OASL: variants seen among roughly 807,000 people sequenced by gnomAD.
The protein encoded by OASL is 2'-5'-oligoadenylate synthetase like.
OASL carries 28 observed loss-of-function variants against 35.3 expected under a neutral mutation model. That is an observed-to-expected ratio of 0.79 (90% confidence interval 0.59 to 1.09). The LOEUF is 1.09. OASL is among the 50% of genes least tolerant of loss of function. The pLI, the probability that OASL is intolerant of heterozygous loss-of-function variation, is 0.00. For synonymous variants in OASL, 252 were observed against 254.6 expected, an observed-to-expected ratio of 0.99 and a Z score of 0.10; for missense variants, 620 against 635.2, an observed-to-expected ratio of 0.98 and a Z score of 0.26.
intron 5 of OASL, among the ~76,000 whole-genome samples, chr12:121,022,585 C>G (rs1041556056): frequency 6.6e-6 from 1 of 152,206 alleles, no homozygotes; most frequent in African/African-American, 2.4e-5. Flanking sequence ...GGTGGGCCTC[C>G]TCATTTGGCC....
At chr12:121,020,963 C>T in exon 6 of OASL, 1 of 1,614,154 alleles carries the variant, frequency 6.2e-7, no homozygotes, top group Non-Finnish European at 8.5e-7. Flanking sequence ...TCCGGATTTT[C>T]TCTTTAACCT....
chr12:121,036,118 C>T (rs1592940478), intron 1 of OASL, among the ~76,000 whole-genome samples: 1 of 152,200 alleles, frequency 6.6e-6, no homozygotes, highest in Non-Finnish European at 1.5e-5. Context: ...CCACCTTGGC[C>T]TCCCAAAGTG....
rs753244832 is a variant in OASL, at chr12:121,027,565, TG to T, written c.899+10del. On this transcript the variant is annotated intron_variant, in intron 4 of 5. Coordinates refer to ENST00000257570, the Ensembl canonical transcript of OASL. ...TCTGTAAGATTTGGTGGGCAAACAG[TG>T]GTCCAGTACCTCTCTTTTTTGAGCT... is the stretch of plus-strand genomic sequence containing the variant. 5 of 1,612,524 alleles carry T rather than the reference TG, an allele frequency of 3.1e-6. No homozygotes were observed. Among genetic ancestry groups the T allele is most frequent in the Non-Finnish European group, 4.2e-6 (5 of 1,178,832 alleles).
chr12:121,029,852 T>C (rs1418707114), intron 3 of OASL, among the ~76,000 whole-genome samples: 1 of 152,182 alleles, frequency 6.6e-6, no homozygotes, highest in African/African-American at 2.4e-5. Flanking sequence ...AAATGTTACA[T>C]TCTTAAAACT....
chr12:121,032,921 G>T (rs561715872), intron 2 of OASL, among the ~76,000 whole-genome samples: 1 of 151,344 alleles, frequency 6.6e-6, no homozygotes, highest in Non-Finnish European at 1.5e-5. Flanking sequence ...TTTTTTGTTT[G>T]TTTTTTTGTT....
chr12:121,037,782 AAC>A (rs1491284596), intron 1 of OASL, among the ~76,000 whole-genome samples: 1 of 148,362 alleles, frequency 6.7e-6, no homozygotes, highest in African/African-American at 2.5e-5. Flanking sequence ...AAAAAAAAAA[AAC>A]AAAAACAAAA....
At chr12:121,024,066 T>C (rs199717878) in exon 5 of OASL, 41 of 1,614,056 alleles carry the variant, frequency 2.5e-5, no homozygotes, top group African/African-American at 6.7e-5. Context: ...GGAGGCCCTC[T>C]GAGCAACGAT....
chr12:121,023,295 C>T (rs2259835), intron 5 of OASL, among the ~76,000 whole-genome samples: 90,026 of 134,892 alleles, frequency 0.67, 30,011 homozygotes, highest in Middle Eastern at 0.86. Context: ...TTCTTTTTTT[C>T]TTTTTTTTTT....
chr12:121,033,336 G>A, intron 2 of OASL, 125 bp downstream of exon 2: 1 of 955,648 alleles, frequency 1.0e-6, no homozygotes, highest in East Asian at 2.5e-5. Context: ...CCAGCCCCAA[G>A]CATAGGACAC....
exon 6 of OASL, chr12:121,019,517 G>T (rs1199612591): frequency 6.6e-6 from 1 of 152,130 alleles, no homozygotes; most frequent in Non-Finnish European, 1.5e-5. Context: ...GGTTTTAGGA[G>T]TTGAGGTGAT....
chr12:121,038,827 A>T (rs1417050139), exon 1 of OASL: 1 of 1,614,038 alleles, frequency 6.2e-7, no homozygotes, highest in Non-Finnish European at 8.5e-7. Flanking sequence ...TTCCCCTGGA[A>T]ATGCTCCTGC....
At chr12:121,023,438 G>T (rs1400764313) in intron 5 of OASL, among the ~76,000 whole-genome samples, 1 of 151,900 alleles carries the variant, frequency 6.6e-6, no homozygotes, top group Admixed American at 6.6e-5. Context: ...ATAGGCACCT[G>T]CCACCACGCC....
At chr12:121,024,115 C>G in exon 5 of OASL, 2 of 1,614,018 alleles carry the variant, frequency 1.2e-6, no homozygotes, top group South Asian at 2.2e-5. Flanking sequence ...AGGGTGGGGT[C>G]GGCCGGATCC....
At chr12:121,027,463 T>C in intron 4 of OASL, 113 bp downstream of exon 4, 2 of 1,480,956 alleles carry the variant, frequency 1.4e-6, no homozygotes, top group Non-Finnish European at 1.8e-6. Context: ...TGCTCAACTA[T>C]GGTGGCAGCC....
At chr12:121,035,533 A>AAAACAAAACC (rs35393590) in intron 1 of OASL, among the ~76,000 whole-genome samples, 55,199 of 148,314 alleles carry the variant, frequency 0.37, 10,860 homozygotes, top group Middle Eastern at 0.55. Flanking sequence ...TAAACAAAAC[A>AAAACAAAACC]AAACAACAAA....
intron 1 of OASL, among the ~76,000 whole-genome samples, chr12:121,037,865 G>T (rs1870017166): frequency 6.6e-6 from 1 of 152,018 alleles, no homozygotes; most frequent in Non-Finnish European, 1.5e-5. Context: ...GCCAAGGTGG[G>T]CATATTCTTG....
intron 5 of OASL, among the ~76,000 whole-genome samples, chr12:121,022,147 C>T (rs777935926): frequency 2.6e-4 from 36 of 140,254 alleles, no homozygotes; most frequent in Non-Finnish European, 3.9e-4. Flanking sequence ...AGTGCAGTGG[C>T]ACGATCTTGG....
chr12:121,027,633 T>C lies in OASL; in HGVS notation c.842A>G (p.Tyr281Cys), dbSNP rs771610377. The stretch of plus-strand genomic sequence containing the variant: ...CTCAATGATTGCATTGTGGAGTGTG[T>C]AGTACTTGGTCCAGTAGATACAGAT... The change falls in exon 4 of 6, where the codon TAC (tyrosine) becomes TGC (cysteine). Residue 281 changes from tyrosine to cysteine, a missense_variant. Coordinates refer to ENST00000257570, the Ensembl canonical transcript of OASL. 4 of 1,614,172 alleles carry C rather than the reference T, an allele frequency of 2.5e-6. No individual in the cohort carries two copies. In the Admixed American group the frequency reaches 5.0e-5, roughly 20 times the overall value.
chr12:121,027,462 A>G (rs1431991567), intron 4 of OASL, 114 bp downstream of exon 4: 2 of 1,479,446 alleles, frequency 1.4e-6, no homozygotes, highest in Admixed American at 1.9e-5. Flanking sequence ...ATGCTCAACT[A>G]TGGTGGCAGC....
Sources: gnomAD v4.1 joint callset for allele counts (sites outside exome capture counted in the v4.1 genomes callset) on GRCh38, gnomAD v4.1.1 for gene constraint, MANE v1.5 for transcripts, NCBI Gene and HGNC (gene_info 2026-07-23, HGNC 2026-07-21) for gene names.